The following STX8 variants were observed in gnomAD, a reference collection of about 807,000 sequenced individuals.
STX8 encodes syntaxin-8.
A neutral mutation model predicts 37.5 loss-of-function variants in STX8; 23 were observed. The ratio of observed to expected loss-of-function variants is 0.61; its 90% confidence interval spans 0.44 to 0.87. The LOEUF is 0.87. STX8 is among the 40% of genes least tolerant of loss of function. The probability of loss-of-function intolerance (pLI) is 0.00; values close to 1 mark genes in which losing one functional copy is unlikely to be tolerated. For synonymous variants in STX8, 115 were observed against 99.1 expected, an observed-to-expected ratio of 1.16 and a Z score of -0.95; for missense variants, 313 against 284.7, an observed-to-expected ratio of 1.10 and a Z score of -0.71.
chr17:9,550,518 G>A (rs1342870487), intron 3 of STX8, among the ~76,000 whole-genome samples: 1 of 151,948 alleles, frequency 6.6e-6, no homozygotes, highest in Non-Finnish European at 1.5e-5. Flanking sequence ...AGCTTGCAGT[G>A]AGCCAAGATC....
rs372120272 is a variant in STX8, at chr17:9,506,837, G to A, written c.324-1675C>T. On this transcript the variant is annotated intron_variant, in intron 4 of 7. Coordinates refer to ENST00000306357, the MANE Select transcript of STX8 (RefSeq NM_004853.3). ...ATGAGCCAAGTTACTACAGCATGGC[G>A]CCATCTTTAGACCACAGCTCCCTCT... Among the ~76,000 whole-genome samples the A allele has an allele frequency of 4.5e-4, 68 of 152,108 alleles. 2 individuals are homozygous for A. The South Asian group carries it at 6.2e-3, about 14-fold the overall frequency.
rs1379618274 is a variant in STX8, at chr17:9,350,756, T to A, written c.643+27796A>T. 2.0e-5 allele frequency among the ~76,000 whole-genome samples: 3 copies of A among 152,108 alleles called. No homozygotes were observed. The East Asian group carries it at 5.8e-4, about 29-fold the overall frequency. Reference sequence around the variant, plus strand: ...CCATGTTGGCCAGGCTGGTCTCGAATGCCTGACCTCGGGTGATCCACCCGC... The same window carrying A: ...CCATGTTGGCCAGGCTGGTCTCGAAAGCCTGACCTCGGGTGATCCACCCGC... On this transcript the variant is annotated intron_variant, in intron 7 of 7. Coordinates refer to ENST00000306357, the MANE Select transcript of STX8 (RefSeq NM_004853.3).
chr17:9,260,379 T>C (rs1906967431), intron 7 of STX8, among the ~76,000 whole-genome samples: 1 of 151,966 alleles, frequency 6.6e-6, no homozygotes, highest in South Asian at 2.1e-4. Flanking sequence ...ATCCCAGCAA[T>C]TTGGGAGGCC....
intron 4 of STX8, among the ~76,000 whole-genome samples, chr17:9,515,897 TATTCA>T (rs1054502252): frequency 1.3e-5 from 2 of 152,184 alleles, no homozygotes; most frequent in Non-Finnish European, 1.5e-5. Flanking sequence ...CTATAATAAT[TATTCA>T]ATTTCACGTA....
intron 6 of STX8, among the ~76,000 whole-genome samples, chr17:9,429,566 G>A (rs1913771611): frequency 7.2e-6 from 1 of 138,456 alleles, no homozygotes; most frequent in African/African-American, 2.7e-5. Flanking sequence ...AGCCGGGCGT[G>A]GTGGCGGGCA....
At chr17:9,563,751 G>A (rs981793999) in intron 2 of STX8, among the ~76,000 whole-genome samples, 5 of 151,758 alleles carry the variant, frequency 3.3e-5, no homozygotes, top group African/African-American at 1.2e-4. Flanking sequence ...TTAAAAAGTT[G>A]GAAAAAGCAA....
At chr17:9,348,035 A>G (rs1181147059) in intron 7 of STX8, among the ~76,000 whole-genome samples, 1 of 152,152 alleles carries the variant, frequency 6.6e-6, no homozygotes, top group African/African-American at 2.4e-5. Context: ...TGTGAAATAA[A>G]TAATGGTGGT....
At position 9,343,485 on chromosome 17, in the gene STX8, T is replaced by A. The variant is rs114069681; in HGVS notation, c.643+35067A>T. Among the ~76,000 whole-genome samples the A allele has an allele frequency of 6.0e-3, 912 of 152,342 alleles. 15 individuals carry two copies. The highest frequency in any genetic ancestry group is 0.021 in the African/African-American group (854 of 41,572). ...AGCCATATTCCTGCTTCTTAAAGCC[T>A]CTCATGTGAAAGATGCCAAAATAAT... is the stretch of plus-strand genomic sequence containing the variant. On this transcript the variant is annotated intron_variant, in intron 7 of 7. Transcript: ENST00000306357.
At chr17:9,512,787 G>T (rs1469117852) in intron 4 of STX8, among the ~76,000 whole-genome samples, 1 of 152,172 alleles carries the variant, frequency 6.6e-6, no homozygotes, top group African/African-American at 2.4e-5. Flanking sequence ...GGGGAAGACA[G>T]TCTCTTCAAT....
chr17:9,330,388 A>C (rs1350570974), intron 7 of STX8, among the ~76,000 whole-genome samples: 1 of 152,122 alleles, frequency 6.6e-6, no homozygotes, highest in African/African-American at 2.4e-5. Flanking sequence ...TCAAGTTGGG[A>C]GTGAGGTTGT....
At chr17:9,535,853 A>G (rs903807794) in intron 4 of STX8, among the ~76,000 whole-genome samples, 1 of 152,236 alleles carries the variant, frequency 6.6e-6, no homozygotes, top group African/African-American at 2.4e-5. Flanking sequence ...ATAAGAGCCT[A>G]GTTAAATGAC....
intron 6 of STX8, among the ~76,000 whole-genome samples, chr17:9,431,889 G>A (rs1913998433): frequency 6.6e-6 from 1 of 152,036 alleles, no homozygotes; most frequent in African/African-American, 2.4e-5. Context: ...GTGTTCCTAG[G>A]ACAACATTTT....
At chr17:9,408,564 G>A (rs1400631842) in intron 6 of STX8, among the ~76,000 whole-genome samples, 1 of 152,150 alleles carries the variant, frequency 6.6e-6, no homozygotes, top group Non-Finnish European at 1.5e-5. Flanking sequence ...TAAGAGCTGA[G>A]AAGCCAAACC....
intron 7 of STX8, among the ~76,000 whole-genome samples, chr17:9,260,780 A>G (rs994250910): frequency 2.0e-5 from 3 of 152,108 alleles, no homozygotes; most frequent in Non-Finnish European, 2.9e-5. Context: ...CACCCTGGAA[A>G]CTCAGCCCTC....
At chr17:9,331,590 C>T (rs1024753103) in intron 7 of STX8, among the ~76,000 whole-genome samples, 29 of 152,144 alleles carry the variant, frequency 1.9e-4, no homozygotes, top group South Asian at 4.1e-4. Flanking sequence ...AATAAAAGTG[C>T]GTTTTTGTTG....
intron 4 of STX8, among the ~76,000 whole-genome samples, chr17:9,541,743 T>C (rs916536203): frequency 6.6e-6 from 1 of 152,172 alleles, no homozygotes; most frequent in African/African-American, 2.4e-5. Context: ...CCTCTGAGCC[T>C]GTTTCTCTTC....
Position 9,295,324 on chromosome 17 carries a change from C to T in STX8, c.644-44679G>A, listed in dbSNP as rs139723805. ...AAGCCTAACTGTTCCTATTAGACTCCGAGCCCCTTGAAAGAAGAGACCACC... is the reference window on the plus strand; with the variant it reads ...AAGCCTAACTGTTCCTATTAGACTCTGAGCCCCTTGAAAGAAGAGACCACC... On this transcript the variant is annotated intron_variant, in intron 7 of 7. Coordinates refer to ENST00000306357, the MANE Select transcript of STX8 (RefSeq NM_004853.3). 1.4e-4 allele frequency among the ~76,000 whole-genome samples: 21 copies of T among 152,288 alleles called. No homozygotes were observed. The East Asian group carries it at 1.5e-3, about 11-fold the overall frequency.
intron 6 of STX8, among the ~76,000 whole-genome samples, chr17:9,445,822 A>AT (rs1305807824): frequency 4.8e-5 from 7 of 146,210 alleles, no homozygotes; most frequent in African/African-American, 1.3e-4. Context: ...AAGAATATAC[A>AT]TTTTTTTCTT....
chr17:9,431,921 T>G (rs1215752677), intron 6 of STX8, among the ~76,000 whole-genome samples: 1 of 152,210 alleles, frequency 6.6e-6, no homozygotes, highest in East Asian at 1.9e-4. Flanking sequence ...CATTTTGTAA[T>G]GCTGTGACTA....
Sources: gnomAD v4.1 joint callset for allele counts (sites outside exome capture counted in the v4.1 genomes callset) on GRCh38, gnomAD v4.1.1 for gene constraint, MANE v1.5 for transcripts, NCBI Gene and HGNC (gene_info 2026-07-23, HGNC 2026-07-21) for gene names.